Variants in CD163L1 observed in about 807,000 individuals in gnomAD.
CD163L1 encodes the protein CD163 molecule like 1.
In CD163L1, 124 loss-of-function variants were observed where a neutral mutation model predicts 165.4. That is an observed-to-expected ratio of 0.75 (90% CI 0.65 to 0.87). The LOEUF (loss-of-function observed/expected upper bound fraction) is 0.87. Among genes scored for constraint, CD163L1 ranks in the 40% least tolerant of loss-of-function variants. The pLI, the probability that CD163L1 is intolerant of heterozygous loss-of-function variation, is 0.00. For synonymous variants in CD163L1, 585 were observed against 662.2 expected (o/e 0.88, Z 1.79); for missense variants, 1,525 against 1,799.9 (o/e 0.85, Z 2.76).
intron 8 of CD163L1, among the ~76,000 whole-genome samples, chr12:7,392,167 A>C (rs754559399): frequency 1.3e-5 from 2 of 152,264 alleles, no homozygotes; most frequent in East Asian, 1.9e-4. Flanking sequence ...TGACCACATA[A>C]TTGGAAGTAA....
intron 6 of CD163L1, among the ~76,000 whole-genome samples, chr12:7,399,759 C>T (rs1947880079): frequency 1.3e-5 from 2 of 151,972 alleles, no homozygotes; most frequent in South Asian, 4.2e-4. Context: ...CTCACACCAC[C>T]ACAGCCAGCT....
At chr12:7,387,048 G>A (rs1485396107) in intron 8 of CD163L1, among the ~76,000 whole-genome samples, 3 of 152,118 alleles carry the variant, frequency 2.0e-5, no homozygotes, top group Admixed American at 6.5e-5. Flanking sequence ...CATCTTTGCA[G>A]ATGACATAAT....
At chr12:7,437,939 T>A (rs533037156) in intron 2 of CD163L1, among the ~76,000 whole-genome samples, 1 of 151,906 alleles carries the variant, frequency 6.6e-6, no homozygotes, top group Non-Finnish European at 1.5e-5. Flanking sequence ...TTTCCACCCA[T>A]AGTCTTAACC....
intron 8 of CD163L1, among the ~76,000 whole-genome samples, chr12:7,392,797 A>C (rs943537618): frequency 2.0e-5 from 3 of 152,224 alleles, no homozygotes; most frequent in African/African-American, 7.2e-5. Context: ...AAACACCTCT[A>C]CGCAAATAAA....
intron 8 of CD163L1, among the ~76,000 whole-genome samples, chr12:7,391,226 G>A (rs773556910): frequency 2.6e-5 from 4 of 152,094 alleles, no homozygotes; most frequent in Admixed American, 6.5e-5. Context: ...CACCAACATC[G>A]AAGACCAAAG....
At position 7,373,490 on chromosome 12, in the gene CD163L1, C is replaced by T. The variant is rs1178944110; in HGVS notation, c.3560G>A (p.Gly1187Glu). 2.5e-6 allele frequency: 4 copies of T among 1,614,192 alleles called. No homozygotes were observed. In the South Asian group the frequency reaches 4.4e-5, roughly 18 times the overall value. ...GGCGAGGCTGACAACTCCATTCTCC[C>T]CACAGCCCAGCTGCCTGCACACAAT... Reference protein sequence around the residue: ...AGIVCRQLGCGENGVVSLAPL... With the variant: ...AGIVCRQLGCEENGVVSLAPL... Residue 1187 changes from glycine to glutamate, a missense_variant, in exon 14 of 20, where the codon GGG becomes GAG. Transcript: ENST00000313599.
the CD163L1 span, among the ~76,000 whole-genome samples, chr12:7,332,859 G>T: frequency 6.6e-6 from 1 of 152,140 alleles, no homozygotes; most frequent in Non-Finnish European, 1.5e-5. Flanking sequence ...TTGATGCTAG[G>T]AAGAAACTGC....
rs779407437 is a variant in CD163L1, at chr12:7,367,371, T to C, written c.4184-40A>G. ...TTCATGGTTAGGATTCAAATTCAAATGGCCTATCCCTTATATTAGGACACT... is the reference window on the plus strand; with the variant it reads ...TTCATGGTTAGGATTCAAATTCAAACGGCCTATCCCTTATATTAGGACACT... On this transcript the variant is annotated intron_variant, in intron 17 of 19. Transcript: ENST00000313599. The C allele has an allele frequency of 4.4e-6, 6 of 1,366,620 alleles. No homozygotes were observed. The African/African-American group carries it at 8.5e-5, about 19-fold the overall frequency. 84.7% of individuals were successfully genotyped at this position (1,366,620 alleles called of 1,614,324 possible). A position where few individuals can be genotyped will look rare whatever the true frequency, so the allele number is the denominator to read the frequency against.
intron 6 of CD163L1, among the ~76,000 whole-genome samples, chr12:7,401,916 T>A (rs1325219577): frequency 1.3e-5 from 2 of 151,870 alleles, no homozygotes; most frequent in Non-Finnish European, 2.9e-5. Context: ...TATCAATCTA[T>A]AAAAAAGAGA....
At chr12:7,412,821 G>A (rs770780947) in intron 4 of CD163L1, among the ~76,000 whole-genome samples, 1 of 152,096 alleles carries the variant, frequency 6.6e-6, no homozygotes, top group Non-Finnish European at 1.5e-5. Context: ...ACCTGGCCGG[G>A]CGCAGTGGCT....
Position 7,374,408 on chromosome 12 carries a change from G to A in CD163L1, c.3409+34C>T. On this transcript the variant is annotated intron_variant, in intron 13 of 19. Transcript: ENST00000313599. This position sits in a 1 kb window ranked among gnomAD's most constrained non-coding sequence, Gnocchi z 5.4. ...TGTGTGTGCAAGTGTGTGCACGTGT[G>A]TGTAGAGGAGGGTGAAAAGGTAGCA... 2 of 1,576,630 alleles carry A rather than the reference G, an allele frequency of 1.3e-6. No individual in the cohort carries two copies. The highest frequency in any genetic ancestry group is 1.7e-5 in the Admixed American group (1 of 57,966).
At chr12:7,370,303 G>A (rs1040424533) in intron 14 of CD163L1, among the ~76,000 whole-genome samples, 10 of 152,110 alleles carry the variant, frequency 6.6e-5, no homozygotes, top group Non-Finnish European at 4.4e-5. Context: ...AATTATAACC[G>A]GGGTCATTTT....
chr12:7,396,201 A>T lies in CD163L1; in HGVS notation c.1944T>A (p.Asp648Glu). The T allele has an allele frequency of 6.2e-7, 1 of 1,614,184 alleles. No homozygotes were observed. ...ACTCATCTCCATCACAGGAAACATC[A>T]TCGAGCCAAATTTTTCCATATCCTG... Reference protein sequence around the residue: ...ASTGYGKIWLDDVSCDGDESD... With the variant: ...ASTGYGKIWLEDVSCDGDESD... The change falls in exon 8 of 20, where the codon GAT becomes GAA. Residue 648 changes from aspartate to glutamate, a missense_variant. Coordinates refer to ENST00000313599, the MANE Select transcript of CD163L1 (RefSeq NM_174941.6).
At chr12:7,367,467 G>C (rs1422486692) in intron 17 of CD163L1, 136 bp from the exon 18 acceptor site, 7 of 480,610 alleles carry the variant, frequency 1.5e-5, no homozygotes, top group East Asian at 6.2e-5. Flanking sequence ...ACCTACCCCT[G>C]CTAGTGAATT....
At chr12:7,439,766 G>A in intron 2 of CD163L1, 2 of 1,613,396 alleles carry the variant, frequency 1.2e-6, no homozygotes, top group East Asian at 2.2e-5. Flanking sequence ...ACTTTGTAAA[G>A]AATTTCACCC....
At chr12:7,328,514 C>A in the CD163L1 span, 1 of 586,452 alleles carries the variant, frequency 1.7e-6, no homozygotes, top group African/African-American at 2.0e-5. Context: ...TTGGTTTTTA[C>A]TTAGCTAAAA....
chr12:7,417,811 T>G (rs1050648241), intron 4 of CD163L1, among the ~76,000 whole-genome samples: 2 of 152,124 alleles, frequency 1.3e-5, no homozygotes, highest in African/African-American at 2.4e-5. Flanking sequence ...GGATTTAGTT[T>G]GCCGGTATTT....
the CD163L1 span, among the ~76,000 whole-genome samples, chr12:7,322,037 G>A: frequency 6.6e-6 from 1 of 152,156 alleles, no homozygotes; most frequent in Admixed American, 6.5e-5. Flanking sequence ...GGGTTGAGAA[G>A]ATTCTAAGAA....
Position 7,435,038 on chromosome 12 carries a change from T to A in CD163L1, c.125-1344A>T, listed in dbSNP as rs751866477. ...GTGAGGGGCATTCTAATGGCTGTGCTCATATCATATAACTCTTAAGTCTAA... is the reference window on the plus strand; with the variant it reads ...GTGAGGGGCATTCTAATGGCTGTGCACATATCATATAACTCTTAAGTCTAA... On this transcript the variant is annotated intron_variant, in intron 2 of 19. Coordinates refer to ENST00000313599, the MANE Select transcript of CD163L1 (RefSeq NM_174941.6). Among the ~76,000 whole-genome samples, 8 of 152,282 alleles carry A rather than the reference T, an allele frequency of 5.3e-5. No homozygotes were observed. The East Asian group carries it at 1.3e-3, about 26-fold the overall frequency.
Sources: allele counts gnomAD v4.1 joint callset (sites outside exome capture counted in the v4.1 genomes callset), GRCh38; gene constraint gnomAD v4.1.1; non-coding constraint Gnocchi (gnomAD v3.1); transcripts MANE v1.5; gene names NCBI Gene and HGNC (gene_info 2026-07-23, HGNC 2026-07-21).